Variants in CCDC178 observed in about 807,000 individuals in gnomAD.
The protein encoded by CCDC178 is coiled-coil domain containing 178, also known as coiled-coil domain-containing protein 178.
In CCDC178, 126 loss-of-function variants were observed where a neutral mutation model predicts 117.4. That is an observed-to-expected ratio of 1.07 (90% CI 0.93 to 1.24). CCDC178 has a LOEUF of 1.24. Among genes scored for constraint, CCDC178 ranks in the 50% most tolerant of loss-of-function variants. The probability of loss-of-function intolerance (pLI) is 0.00; values close to 1 mark genes in which losing one functional copy is unlikely to be tolerated. For synonymous variants in CCDC178, 283 were observed against 313.4 expected, an observed-to-expected ratio of 0.90 and a Z score of 1.02; for missense variants, 1,030 against 986.9, an observed-to-expected ratio of 1.04 and a Z score of -0.59.
At chr18:33,247,581 T>A (rs1186305385) in intron 14 of CCDC178, among the ~76,000 whole-genome samples, 7 of 151,920 alleles carry the variant, frequency 4.6e-5, no homozygotes. Flanking sequence ...GGGGTGTGTG[T>A]GCAAGCACAC....
intron 1 of CCDC178, chr18:33,440,332 T>A (rs931518119): frequency 1.9e-3 from 7 of 3,730 alleles, no homozygotes; most frequent in Non-Finnish European, 3.7e-3. Flanking sequence ...ACTGGGGGAC[T>A]GGGGGACTGG....
rs1010841084 is a variant in CCDC178, at chr18:32,937,783, C to T, written c.*228G>A. 6.2e-6 allele frequency: 3 copies of T among 480,386 alleles called. No homozygotes were observed. The highest frequency in any genetic ancestry group is 1.1e-5 in the Non-Finnish European group (3 of 268,940). 29.8% of individuals were successfully genotyped at this position (480,386 alleles called of 1,614,324 possible). On this transcript the variant is annotated 3_prime_UTR_variant, in exon 23 of 23. Coordinates refer to ENST00000383096, the MANE Select transcript of CCDC178 (RefSeq NM_001105528.4). The stretch of plus-strand genomic sequence containing the variant: ...GGCAAAGCCAATTGCAATCAGTCAC[C>T]CAGAGCTGAAATTAGATCGTTCCTG...
intron 2 of CCDC178, among the ~76,000 whole-genome samples, chr18:33,430,814 T>G (rs1244363436): frequency 6.6e-6 from 1 of 152,178 alleles, no homozygotes; most frequent in African/African-American, 2.4e-5. Flanking sequence ...GGCTCATGCC[T>G]GTAATCCCAG....
At chr18:33,240,285 G>A (rs2059472556) in intron 15 of CCDC178, among the ~76,000 whole-genome samples, 1 of 151,522 alleles carries the variant, frequency 6.6e-6, no homozygotes, top group Non-Finnish European at 1.5e-5. Context: ...TACTTAGAAA[G>A]ATTTGAAATA....
rs61298209 is a variant in CCDC178 at position 33,394,943 on chromosome 18, GTATATATATATATATATATATATA to G, written c.118+2182_118+2205del. ...ACTTTAAAAGCCTGTATATGTATGT[GTATATATATATATATATATATATA>G]TATATATATATATATATATATGTAT... On this transcript the variant is annotated intron_variant, in intron 4 of 22. Coordinates refer to ENST00000383096, the MANE Select transcript of CCDC178 (RefSeq NM_001105528.4). Among the ~76,000 whole-genome samples the G allele has an allele frequency of 9.3e-4, 57 of 61,508 alleles. 1 individual carries two copies. Among genetic ancestry groups the G allele is most frequent in the African/African-American group, 2.1e-3 (34 of 16,574 alleles). The allele number at this position is 61,508 out of a possible 152,430, so 40.4% of individuals were successfully genotyped here. A position where few individuals can be genotyped will look rare whatever the true frequency, so the allele number is the denominator to read the frequency against.
At chr18:33,182,428 A>T (rs2058742693) in intron 20 of CCDC178, among the ~76,000 whole-genome samples, 1 of 152,018 alleles carries the variant, frequency 6.6e-6, no homozygotes, top group Admixed American at 6.6e-5. Context: ...TCTGTCTTTT[A>T]TACTATCTTT....
chr18:33,029,862 T>C (rs938510817), intron 21 of CCDC178, among the ~76,000 whole-genome samples: 2 of 152,004 alleles, frequency 1.3e-5, no homozygotes, highest in Admixed American at 6.6e-5. Context: ...TTGTATTATA[T>C]CAAATTTTGT....
intron 2 of CCDC178, among the ~76,000 whole-genome samples, chr18:33,429,166 C>A (rs1434230250): frequency 6.6e-6 from 1 of 152,032 alleles, no homozygotes; most frequent in East Asian, 1.9e-4. Flanking sequence ...GGAAAAGATA[C>A]TGCAAATGTG....
At chr18:33,329,949 G>GC (rs1164443803) in intron 10 of CCDC178, among the ~76,000 whole-genome samples, 2 of 132,490 alleles carry the variant, frequency 1.5e-5, no homozygotes, top group East Asian at 4.3e-4. Flanking sequence ...TTGGTCCTGG[G>GC]CTTTTTTTTT....
intron 14 of CCDC178, among the ~76,000 whole-genome samples, chr18:33,253,753 G>A (rs1371126601): frequency 6.6e-6 from 1 of 151,860 alleles, no homozygotes; most frequent in Non-Finnish European, 1.5e-5. Flanking sequence ...AAGAGGCTGT[G>A]TTGCTAAGTG....
rs561031943 is a variant in CCDC178 at position 33,234,551 on chromosome 18, A to C, written c.1594-7696T>G. Among the ~76,000 whole-genome samples the C allele has an allele frequency of 3.6e-3, 551 of 152,276 alleles. 6 individuals are homozygous for C. The highest frequency in any genetic ancestry group is 6.7e-3 in the Non-Finnish European group (456 of 67,982). The stretch of plus-strand genomic sequence containing the variant: ...AGCTTAACTCAGAGAGAAATAAGAA[A>C]GTGTAGGGAACTCTTAATTATTAAT... On this transcript the variant is annotated intron_variant, in intron 15 of 22. Coordinates refer to ENST00000383096, the MANE Select transcript of CCDC178 (RefSeq NM_001105528.4).
At chr18:33,004,624 G>A (rs1384289469) in intron 21 of CCDC178, among the ~76,000 whole-genome samples, 3 of 151,938 alleles carry the variant, frequency 2.0e-5, no homozygotes, top group Admixed American at 6.6e-5. Flanking sequence ...AAATGGGGTC[G>A]CATAAAGTTA....
At chr18:33,324,034 G>T (rs76148138) in intron 10 of CCDC178, among the ~76,000 whole-genome samples, 12,044 of 151,782 alleles carry the variant, frequency 0.079, 543 homozygotes, top group Non-Finnish European at 0.093. Context: ...TGTGGTTTTT[G>T]CCATTAAAAG....
chr18:33,221,276 T>C (rs890751115), intron 18 of CCDC178, among the ~76,000 whole-genome samples: 9 of 152,092 alleles, frequency 5.9e-5, no homozygotes, highest in African/African-American at 2.2e-4. Context: ...TTCTTTTGGC[T>C]AAAAAGTAAG....
intron 10 of CCDC178, among the ~76,000 whole-genome samples, chr18:33,326,643 T>C (rs188646685): frequency 2.0e-5 from 3 of 152,264 alleles, no homozygotes; most frequent in Admixed American, 6.5e-5. Flanking sequence ...AACTCTTTAC[T>C]TCCCACTCTG....
intron 15 of CCDC178, among the ~76,000 whole-genome samples, chr18:33,227,593 C>A (rs542921174): frequency 6.8e-6 from 1 of 148,000 alleles, no homozygotes; most frequent in Non-Finnish European, 1.5e-5. Context: ...CACACACACA[C>A]ACACATAGTT....
chr18:33,333,655 G>C (rs889098437), intron 9 of CCDC178, among the ~76,000 whole-genome samples: 1 of 151,800 alleles, frequency 6.6e-6, no homozygotes, highest in East Asian at 1.9e-4. Flanking sequence ...TGGGATTACA[G>C]GCATGTGCCA....
intron 1 of CCDC178, among the ~76,000 whole-genome samples, 197 bp from the exon 2 acceptor site, chr18:33,440,278 C>G (rs1005181909): frequency 8.0e-6 from 1 of 124,698 alleles, no homozygotes; most frequent in African/African-American, 3.2e-5. Flanking sequence ...TTCCCTTCCC[C>G]CGGCAGTGGG....
At chr18:32,950,673 C>A (rs961963474) in intron 22 of CCDC178, among the ~76,000 whole-genome samples, 1 of 152,134 alleles carries the variant, frequency 6.6e-6, no homozygotes, top group African/African-American at 2.4e-5. Flanking sequence ...GAGTTCCTTA[C>A]AACTTCAGCT....
Sources: allele counts gnomAD v4.1 joint callset (sites outside exome capture counted in the v4.1 genomes callset), GRCh38; gene constraint gnomAD v4.1.1; transcripts MANE v1.5; gene names NCBI Gene and HGNC (gene_info 2026-07-23, HGNC 2026-07-21).